MYO10: variants seen among roughly 807,000 people sequenced by gnomAD.
MYO10 encodes the protein unconventional myosin-X.
MYO10 carries 133 observed loss-of-function variants against 257.3 expected under a neutral mutation model. The ratio of observed to expected loss-of-function variants is 0.52; its 90% CI spans 0.45 to 0.60. The LOEUF (loss-of-function observed/expected upper bound fraction) is 0.60. Ranked by LOEUF, MYO10 falls within the 20% of genes least tolerant of loss-of-function variation. The pLI is 0.00. For missense variants in MYO10, 2,399 were observed against 2,635.7 expected, an observed-to-expected ratio of 0.91 and a Z score of 1.97; for synonymous variants, 1,104 against 1,028.6, an observed-to-expected ratio of 1.07 and a Z score of -1.40.
chr5:16,711,245 TCTAAAC>T lies in MYO10; in HGVS notation c.1930-6_1930-1del. ...ACCGCCTGGTCAAACTGGTCTGGCATCTAAACCATGCAAAAAAAAAAGATGGGATAC... is the reference window on the plus strand; with the variant it reads ...ACCGCCTGGTCAAACTGGTCTGGCATCATGCAAAAAAAAAAGATGGGATAC... On this transcript the variant is annotated splice_acceptor_variant and splice_polypyrimidine_tract_variant and intron_variant, in intron 19 of 40. Coordinates refer to ENST00000513610, the MANE Select transcript of MYO10 (RefSeq NM_012334.3). LOFTEE classifies it high-confidence loss of function. 6.4e-7 allele frequency: 1 copy of T among 1,553,438 alleles called. No individual in the cohort carries two copies.
rs145076000 is a variant in MYO10, at chr5:16,738,786, G to C, written c.1929+16042C>G. Among the ~76,000 whole-genome samples, 614 of 151,664 alleles carry C rather than the reference G, an allele frequency of 4.0e-3. 10 individuals carry two copies. The South Asian group carries it at 0.041, about 10-fold the overall frequency. On this transcript the variant is annotated intron_variant, in intron 19 of 40. Coordinates refer to ENST00000513610, the MANE Select transcript of MYO10 (RefSeq NM_012334.3). The stretch of plus-strand genomic sequence containing the variant: ...CACGCCTGTAATCCCAGCTACTCAG[G>C]AGGCTGAGGCAGGAGAATTGCATGA...
chr5:16,697,633 G>A (rs957927424), intron 26 of MYO10, among the ~76,000 whole-genome samples: 5 of 152,052 alleles, frequency 3.3e-5, no homozygotes, highest in African/African-American at 9.7e-5. Flanking sequence ...CGGGGGTGGA[G>A]GCTGCAGTGA....
intron 19 of MYO10, among the ~76,000 whole-genome samples, chr5:16,726,908 G>A (rs1315186165): frequency 6.6e-6 from 1 of 152,158 alleles, no homozygotes; most frequent in African/African-American, 2.4e-5. Context: ...CATTGTCTGT[G>A]ACCACTTCCA....
At chr5:16,818,360 GTA>G (rs1483530560) in intron 2 of MYO10, among the ~76,000 whole-genome samples, 193 bp from the exon 3 acceptor site, 20 of 84,988 alleles carry the variant, frequency 2.4e-4, no homozygotes, top group Admixed American at 9.6e-4. Flanking sequence ...GTGTGTGTAT[GTA>G]TGTGTGTGTG....
intron 4 of MYO10, among the ~76,000 whole-genome samples, chr5:16,785,800 G>A (rs1180033177): frequency 6.6e-6 from 1 of 152,170 alleles, no homozygotes; most frequent in Admixed American, 6.5e-5. Context: ...AACCTGGGAG[G>A]TGGAGGTTGC....
rs59761183 is a variant in MYO10 at position 16,893,196 on chromosome 5, C to CAAAAAAA, written c.22-15496_22-15490dup. On this transcript the variant is annotated intron_variant, in intron 1 of 40. Coordinates refer to ENST00000513610, the MANE Select transcript of MYO10 (RefSeq NM_012334.3). ...TGGGTGACACAGTGAGACTCTGTCT[C>CAAAAAAA]AAAAAAAAAAAAAAAAAAAGAACTT... Among the ~76,000 whole-genome samples, 21 of 69,552 alleles carry CAAAAAAA rather than the reference C, an allele frequency of 3.0e-4. 1 individual carries two copies. Among genetic ancestry groups the CAAAAAAA allele is most frequent in the Admixed American group, 7.3e-4 (3 of 4,088 alleles). The allele number at this position is 69,552 out of a possible 152,430, so 45.6% of individuals were successfully genotyped here. A position where few individuals can be genotyped will look rare whatever the true frequency, so the allele number is the denominator to read the frequency against.
rs1560976295 is a variant in MYO10 at position 16,771,551 on chromosome 5, TTA to T, written c.931-2350_931-2349del. ...TCTAGGAACTTACTATTATGATTTATTATTATTATTATTATTATTATTATTAT... is the reference window on the plus strand; with the variant it reads ...TCTAGGAACTTACTATTATGATTTATTTATTATTATTATTATTATTATTAT... On this transcript the variant is annotated intron_variant, in intron 9 of 40. Coordinates refer to ENST00000513610, the MANE Select transcript of MYO10 (RefSeq NM_012334.3). Among the ~76,000 whole-genome samples, 15 of 13,534 alleles carry T rather than the reference TTA, an allele frequency of 1.1e-3. 1 individual carries two copies. Among genetic ancestry groups the T allele is most frequent in the East Asian group, 3.7e-3 (2 of 540 alleles). 8.9% of individuals were successfully genotyped at this position (13,534 alleles called of 152,430 possible). A position where few individuals can be genotyped will look rare whatever the true frequency, so the allele number is the denominator to read the frequency against.
chr5:16,713,477 C>T (rs1738711482), intron 19 of MYO10: 7 of 985,792 alleles, frequency 7.1e-6, no homozygotes, highest in Non-Finnish European at 8.4e-6. Context: ...TTAAAAAGTG[C>T]CCGGTCGCCA....
At position 16,763,761 on chromosome 5, in the gene MYO10, G is replaced by C; in HGVS notation, c.1327-6C>G. On this transcript the variant is annotated splice_polypyrimidine_tract_variant and splice_region_variant and intron_variant, in intron 12 of 40. Coordinates refer to ENST00000513610, the MANE Select transcript of MYO10 (RefSeq NM_012334.3). ...AACTGTTCAAAGTGATTAACCTAAG[G>C]GGGGAAAGCATTCAATAAGTATCTT... 6.6e-7 allele frequency: 1 copy of C among 1,518,228 alleles called. No individual in the cohort carries two copies. The allele number at this position is 1,518,228 out of a possible 1,614,324, so 94.0% of individuals were successfully genotyped here.
At chr5:16,781,014 A>G (rs576329373) in intron 6 of MYO10, among the ~76,000 whole-genome samples, 156 of 152,340 alleles carry the variant, frequency 1.0e-3, no homozygotes, top group African/African-American at 3.7e-3. Context: ...GATGAAGTCA[A>G]TGTTTCAGAT....
intron 1 of MYO10, among the ~76,000 whole-genome samples, chr5:16,920,273 C>A (rs888062642): frequency 6.6e-6 from 1 of 151,862 alleles, no homozygotes; most frequent in African/African-American, 2.4e-5. Flanking sequence ...GACTCCATCT[C>A]AAAAAAGCAA....
At position 16,673,862 on chromosome 5, in the gene MYO10, C is replaced by T. The variant is rs770751312; in HGVS notation, c.4992G>A (p.Glu1664=). 6.2e-7 allele frequency: 1 copy of T among 1,613,960 alleles called. No individual in the cohort carries two copies. Among genetic ancestry groups the T allele is most frequent in the South Asian group, 1.1e-5 (1 of 91,080 alleles). ...AAGTGAAGAGAGCGTATTTTTCCATCTCGCTTCCTGGAAACTGTTCCCGTA... is the reference window on the plus strand; with the variant it reads ...AAGTGAAGAGAGCGTATTTTTCCATTTCGCTTCCTGGAAACTGTTCCCGTA... ...KRIREQFPGS[E]MEKYALFTYE... The change falls in exon 36 of 41, where the codon GAG becomes GAA. Residue 1664 remains glutamate (E), a synonymous_variant. Coordinates refer to ENST00000513610, the MANE Select transcript of MYO10 (RefSeq NM_012334.3).
chr5:16,731,783 A>G (rs1739592098), intron 19 of MYO10, among the ~76,000 whole-genome samples: 1 of 152,226 alleles, frequency 6.6e-6, no homozygotes, highest in Admixed American at 6.5e-5. Context: ...GACGGAGGCC[A>G]CCAGCTTGGG....
chr5:16,739,942 T>C (rs1739956277), intron 19 of MYO10, among the ~76,000 whole-genome samples: 1 of 152,146 alleles, frequency 6.6e-6, no homozygotes, highest in Non-Finnish European at 1.5e-5. Flanking sequence ...TTTATTATTG[T>C]CACTATTCTT....
At chr5:16,856,366 A>G (rs1360707099) in intron 2 of MYO10, among the ~76,000 whole-genome samples, 1 of 152,170 alleles carries the variant, frequency 6.6e-6, no homozygotes, top group African/African-American at 2.4e-5. Flanking sequence ...CCTGGCCAAC[A>G]TGGCAAAACC....
At chr5:16,848,155 C>CTTTTTTTTTTTTTTTTCTTTTT (rs1554002457) in intron 2 of MYO10, among the ~76,000 whole-genome samples, 13 of 113,558 alleles carry the variant, frequency 1.1e-4, no homozygotes, top group South Asian at 5.5e-4. Flanking sequence ...CTACACATTT[C>CTTTTTTTTTTTTTTTTCTTTTT]TTTTTTTTTT....
chr5:16,714,642 ACCC>A (rs749790748), intron 19 of MYO10, among the ~76,000 whole-genome samples: 5 of 152,128 alleles, frequency 3.3e-5, no homozygotes, highest in Non-Finnish European at 2.9e-5. Flanking sequence ...ACAGGGTGAA[ACCC>A]CGTCTCTACT....
chr5:16,791,709 A>C (rs1313414725), intron 4 of MYO10, among the ~76,000 whole-genome samples: 1 of 152,192 alleles, frequency 6.6e-6, no homozygotes, highest in African/African-American at 2.4e-5. Flanking sequence ...TTAAGGATCT[A>C]AGTGTGGACA....
At chr5:16,916,032 A>C in intron 1 of MYO10, 1 of 456,198 alleles carries the variant, frequency 2.2e-6, no homozygotes, top group Non-Finnish European at 4.4e-6. Flanking sequence ...CTGGTGAGTA[A>C]ATATTCAAAG....
Sources: gnomAD v4.1 joint callset for allele counts (sites outside exome capture counted in the v4.1 genomes callset) on GRCh38, gnomAD v4.1.1 for gene constraint, MANE v1.5 for transcripts, NCBI Gene and HGNC (gene_info 2026-07-23, HGNC 2026-07-21) for gene names.